Variants in MYT1L observed in about 807,000 individuals in gnomAD.
The protein encoded by MYT1L is myelin transcription factor 1 like.
Under a neutral mutation model 126.7 loss-of-function variants are expected in MYT1L, and 12 were observed. That is an observed-to-expected ratio of 0.09 (90% CI 0.06 to 0.15). The LOEUF (loss-of-function observed/expected upper bound fraction) is 0.15. Ranked by LOEUF, MYT1L falls within the 10% of genes least tolerant of loss-of-function variation. The pLI is 1.00. For synonymous variants in MYT1L, 541 were observed against 604.2 expected (o/e 0.90, Z 1.53); for missense variants, 979 against 1,585.2 (o/e 0.62, Z 6.49).
At chr2:2,110,450 A>G (rs1022892081) in intron 3 of MYT1L, among the ~76,000 whole-genome samples, 2 of 151,884 alleles carry the variant, frequency 1.3e-5, no homozygotes, top group African/African-American at 4.8e-5. Flanking sequence ...TTACCACTTC[A>G]GAATAACCTC....
In MYT1L at chr2:1,943,596, G is replaced by A. The variant is rs972852775; in HGVS notation, c.153-262C>T. 2.1e-4 allele frequency among the ~76,000 whole-genome samples: 32 copies of A among 152,080 alleles called. No individual in the cohort carries two copies. Among genetic ancestry groups the A allele is most frequent in the East Asian group, 1.9e-4 (1 of 5,190 alleles). ...TTTAGTCCAAGTCTCCTAGTTCCTC[G>A]TTCCTATAATTCCAGAGATCCTACG... On this transcript the variant is annotated intron_variant, in intron 8 of 24. Coordinates refer to ENST00000647738, the MANE Select transcript of MYT1L (RefSeq NM_001303052.2). This position sits in a 1 kb window ranked among gnomAD's most constrained non-coding sequence, Gnocchi z 4.4.
chr2:2,055,187 C>T (rs1432330552), intron 3 of MYT1L, among the ~76,000 whole-genome samples: 1 of 151,878 alleles, frequency 6.6e-6, no homozygotes, highest in East Asian at 1.9e-4. Flanking sequence ...AGTATTAAGA[C>T]TACAAAATGT....
At chr2:2,019,882 G>T (rs1262981166) in intron 4 of MYT1L, among the ~76,000 whole-genome samples, 2 of 151,840 alleles carry the variant, frequency 1.3e-5, no homozygotes, top group Non-Finnish European at 2.9e-5. Context: ...GGTATGCTCT[G>T]TCACCCAGGC....
At chr2:1,817,669 C>T (rs746629130) in intron 21 of MYT1L, among the ~76,000 whole-genome samples, 17 of 152,134 alleles carry the variant, frequency 1.1e-4, no homozygotes, top group Admixed American at 2.0e-4. Context: ...GGGGTGGTGG[C>T]GGCCCTGGTG....
At chr2:1,992,576 T>A (rs180786080) in intron 5 of MYT1L, among the ~76,000 whole-genome samples, 101 of 152,346 alleles carry the variant, frequency 6.6e-4, no homozygotes, top group African/African-American at 2.3e-3. Flanking sequence ...TCCTTTTCCT[T>A]ACTTGCCTTT....
intron 4 of MYT1L, among the ~76,000 whole-genome samples, chr2:2,046,469 T>G (rs1163760798): frequency 6.6e-6 from 1 of 152,224 alleles, no homozygotes; most frequent in Admixed American, 6.5e-5. Flanking sequence ...TTGTAATGAA[T>G]GCAATAAAAA....
At chr2:2,229,450 T>A (rs2149047569) in intron 2 of MYT1L, among the ~76,000 whole-genome samples, 1 of 152,280 alleles carries the variant, frequency 6.6e-6, no homozygotes, top group Non-Finnish European at 1.5e-5. Flanking sequence ...CTTTCTTTTT[T>A]TTTTGTGTGT....
chr2:2,178,527 T>G (rs576477065), intron 2 of MYT1L, among the ~76,000 whole-genome samples: 2 of 152,202 alleles, frequency 1.3e-5, no homozygotes. Flanking sequence ...CACAGAAGGT[T>G]GTCTGGTACC....
rs569576294 is a variant in MYT1L, at chr2:1,866,150, C to T, written c.2712-14447G>A. 1.2e-4 allele frequency among the ~76,000 whole-genome samples: 18 copies of T among 152,262 alleles called. No individual in the cohort carries two copies. In the South Asian group the frequency reaches 3.1e-3, roughly 26 times the overall value. ...TGGAGATGCCTTGTGGGAAGAAGTA[C>T]AGGCCAGATGGAAGCAGGTAGGTCA... On this transcript the variant is annotated intron_variant, in intron 18 of 24. Coordinates refer to ENST00000647738, the MANE Select transcript of MYT1L (RefSeq NM_001303052.2).
intron 3 of MYT1L, among the ~76,000 whole-genome samples, chr2:2,079,250 T>A (rs2075553705): frequency 6.6e-6 from 1 of 152,048 alleles, no homozygotes; most frequent in Admixed American, 6.5e-5. Context: ...TTAATAAAAT[T>A]GACATAATGA....
At chr2:2,031,264 G>C (rs1238363488) in intron 4 of MYT1L, among the ~76,000 whole-genome samples, 1 of 152,234 alleles carries the variant, frequency 6.6e-6, no homozygotes, top group Non-Finnish European at 1.5e-5. Context: ...ATGAAAGAGG[G>C]CTGGGAGAGG....
intron 1 of MYT1L, chr2:2,306,220 T>A (rs375433543): frequency 6.6e-5 from 10 of 152,304 alleles, no homozygotes; most frequent in African/African-American, 2.4e-4. Flanking sequence ...CAACTTCCAC[T>A]CTCATCATTA....
chr2:2,009,434 T>C (rs1041458664), intron 4 of MYT1L, among the ~76,000 whole-genome samples: 3 of 152,244 alleles, frequency 2.0e-5, no homozygotes. Flanking sequence ...TTTGTTAAAT[T>C]TGTTCCAAAA....
Position 1,917,327 on chromosome 2 carries a change from G to A in MYT1L, c.1496C>T (p.Thr499Ile). ...KPYYGKDPSR[T>I]EKKESKCPTP... Reference sequence around the variant, plus strand: ...TGGACACTTGCTCTCTTTCTTTTCTGTTCTTGAGGGATCTAAAAGCGACAA... The same window carrying A: ...TGGACACTTGCTCTCTTTCTTTTCTATTCTTGAGGGATCTAAAAGCGACAA... Residue 499 changes from threonine to isoleucine, a missense_variant, in exon 11 of 25, where the codon ACA becomes ATA. Physicochemically the swap from Thr to Ile is moderately conservative, Grantham distance 89 (BLOSUM62 -1). Coordinates refer to ENST00000647738, the MANE Select transcript of MYT1L (RefSeq NM_001303052.2). This position sits in a 1 kb window ranked among gnomAD's most constrained non-coding sequence, Gnocchi z 5.9. The A allele has an allele frequency of 6.2e-7, 1 of 1,610,068 alleles. No individual in the cohort carries two copies.
At chr2:1,821,650 C>T (rs1204299478) in intron 21 of MYT1L, among the ~76,000 whole-genome samples, 1 of 152,222 alleles carries the variant, frequency 6.6e-6, no homozygotes, top group Non-Finnish European at 1.5e-5. Flanking sequence ...TGGCCGGAGT[C>T]CTTGGCTGTT....
chr2:1,937,666 C>T (rs543080601), intron 9 of MYT1L, among the ~76,000 whole-genome samples: 11 of 151,456 alleles, frequency 7.3e-5, no homozygotes, highest in South Asian at 6.3e-4. Context: ...GCCATCAGAT[C>T]GCACATCGAG....
chr2:1,798,666 C>G (rs888788043), intron 23 of MYT1L, among the ~76,000 whole-genome samples: 1 of 152,228 alleles, frequency 6.6e-6, no homozygotes, highest in Non-Finnish European at 1.5e-5. Context: ...TGGGCCAGTT[C>G]CCCTTCCTGG....
At chr2:1,940,726 CA>C (rs1242412727) in intron 9 of MYT1L, among the ~76,000 whole-genome samples, 2 of 152,266 alleles carry the variant, frequency 1.3e-5, no homozygotes, top group African/African-American at 4.8e-5. Context: ...AGCTGCTGAA[CA>C]TGAATTCTGA....
chr2:2,271,590 A>G (rs1481285025), intron 2 of MYT1L, among the ~76,000 whole-genome samples: 2 of 152,222 alleles, frequency 1.3e-5, no homozygotes, highest in African/African-American at 2.4e-5. Context: ...TGGGGCTGCC[A>G]TACAAAGTGC....
Sources: gnomAD v4.1 joint callset for allele counts (sites outside exome capture counted in the v4.1 genomes callset) on GRCh38, gnomAD v4.1.1 for gene constraint, Gnocchi (gnomAD v3.1) non-coding constraint, MANE v1.5 for transcripts, NCBI Gene and HGNC (gene_info 2026-07-23, HGNC 2026-07-21) for gene names.